Variants in DPYSL5 observed in about 807,000 individuals in gnomAD.
DPYSL5 encodes the protein dihydropyrimidinase like 5.
Under a neutral mutation model 58.4 loss-of-function variants are expected in DPYSL5, and 9 were observed. That is an observed-to-expected ratio of 0.15 (90% CI 0.09 to 0.27). The LOEUF is 0.27. Ranked by LOEUF, DPYSL5 falls within the 10% of genes least tolerant of loss-of-function variation. DPYSL5 has a pLI of 1.00. For synonymous variants in DPYSL5, 293 were observed against 301.9 expected (o/e 0.97, Z 0.31); for missense variants, 499 against 770.6 (o/e 0.65, Z 4.17).
chr2:26,869,954 T>C (rs951256634), intron 1 of DPYSL5, among the ~76,000 whole-genome samples: 2 of 152,196 alleles, frequency 1.3e-5, no homozygotes, highest in African/African-American at 2.4e-5. Context: ...GAGGTTGCAG[T>C]GAGCTGAGAT....
rs1558351599 is a variant in DPYSL5, at chr2:26,932,191, GAAAGAAAGAAAGAAAGA to G, written c.714+527_714+543del. 1.9e-3 allele frequency among the ~76,000 whole-genome samples: 152 copies of G among 80,308 alleles called. 4 individuals carry two copies. The highest frequency in any genetic ancestry group is 5.5e-3 in the African/African-American group (120 of 21,916). 52.7% of individuals were successfully genotyped at this position (80,308 alleles called of 152,430 possible). Reference sequence around the variant, plus strand: ...AGAAAGAAAGAAAGAAAGAAAGAAAGAAAGAAAGAAAGAAAGAAAAGAAAGAAAGAAAGAAAGAAAGA... The same window carrying G: ...AGAAAGAAAGAAAGAAAGAAAGAAAGAAAGAAAGAAAGAAAGAAAGAAAGA... On this transcript the variant is annotated intron_variant, in intron 6 of 12. Coordinates refer to ENST00000288699, the MANE Select transcript of DPYSL5 (RefSeq NM_020134.4).
chr2:26,861,321 G>C (rs1666007955), intron 1 of DPYSL5, among the ~76,000 whole-genome samples: 1 of 152,190 alleles, frequency 6.6e-6, no homozygotes, highest in Non-Finnish European at 1.5e-5. Flanking sequence ...GGAACTGTAG[G>C]ACACAGAAGA....
intron 1 of DPYSL5, among the ~76,000 whole-genome samples, chr2:26,883,549 C>A (rs1472634344): frequency 2.0e-5 from 3 of 152,150 alleles, no homozygotes; most frequent in Non-Finnish European, 4.4e-5. Flanking sequence ...CAGGCACGCA[C>A]CATCATGCCT....
At chr2:26,918,471 ATTT>A (rs78358823) in intron 2 of DPYSL5, among the ~76,000 whole-genome samples, 6 of 122,410 alleles carry the variant, frequency 4.9e-5, no homozygotes, top group Non-Finnish European at 7.1e-5. Context: ...CGAGCTGGTT[ATTT>A]TTTTTTTTTC....
intron 1 of DPYSL5, among the ~76,000 whole-genome samples, chr2:26,872,951 A>G (rs747158064): frequency 6.6e-6 from 1 of 152,200 alleles, no homozygotes; most frequent in Non-Finnish European, 1.5e-5. Flanking sequence ...GAACAGACTT[A>G]CTATCTCTAA....
At chr2:26,909,294 C>T (rs755275608) in intron 2 of DPYSL5, among the ~76,000 whole-genome samples, 23 of 152,162 alleles carry the variant, frequency 1.5e-4, no homozygotes, top group Non-Finnish European at 4.4e-5. Flanking sequence ...GTTTCTCACT[C>T]ATATTGCACA....
chr2:26,918,497 G>A lies in DPYSL5; in HGVS notation c.262-6390G>A, dbSNP rs544101985. Among the ~76,000 whole-genome samples the A allele has an allele frequency of 9.9e-5, 15 of 151,822 alleles. 1 individual carries two copies. Among genetic ancestry groups the A allele is most frequent in the African/African-American group, 2.4e-4 (10 of 41,378 alleles). On this transcript the variant is annotated intron_variant, in intron 2 of 12. Transcript: ENST00000288699. ...TTTTTTTTTTTTCCTCTGGTACTTC[G>A]GGAGGATGTGAATAAAAGATGGAAG... is the stretch of plus-strand genomic sequence containing the variant.
intron 1 of DPYSL5, among the ~76,000 whole-genome samples, chr2:26,862,984 A>C (rs1354604830): frequency 6.6e-6 from 1 of 152,006 alleles, no homozygotes; most frequent in African/African-American, 2.4e-5. Context: ...TCCCCTTGGA[A>C]TCCCCTTTTT....
chr2:26,878,228 CATTT>C (rs1287823387), intron 1 of DPYSL5, among the ~76,000 whole-genome samples: 2 of 152,176 alleles, frequency 1.3e-5, no homozygotes, highest in Non-Finnish European at 2.9e-5. Flanking sequence ...TTTTCATTTG[CATTT>C]ATTTAATTAT....
chr2:26,888,597 C>T (rs1346412182), intron 1 of DPYSL5, among the ~76,000 whole-genome samples: 1 of 152,100 alleles, frequency 6.6e-6, no homozygotes, highest in Non-Finnish European at 1.5e-5. Flanking sequence ...TTTCTAATGG[C>T]ATTTAACTGT....
chr2:26,932,073 GAAAGAAAGAAAA>G (rs1316257350), intron 6 of DPYSL5, among the ~76,000 whole-genome samples: 20 of 68,536 alleles, frequency 2.9e-4, no homozygotes, highest in South Asian at 1.0e-3. Flanking sequence ...AAGAAAGAAA[GAAAGAAAGAAAA>G]GAAAAAAGAA....
intron 1 of DPYSL5, among the ~76,000 whole-genome samples, chr2:26,857,925 G>A (rs2148107392): frequency 6.6e-6 from 1 of 152,348 alleles, no homozygotes. Flanking sequence ...AGAGATGGCA[G>A]TGATGGGCAT....
intron 1 of DPYSL5, among the ~76,000 whole-genome samples, chr2:26,851,646 G>A (rs1204461831): frequency 6.6e-6 from 1 of 152,068 alleles, no homozygotes; most frequent in African/African-American, 2.4e-5. Context: ...GGTCTCTGGG[G>A]TAAAAGTAAA....
intron 2 of DPYSL5, among the ~76,000 whole-genome samples, chr2:26,913,467 A>G (rs753101706): frequency 2.2e-4 from 33 of 152,138 alleles, no homozygotes; most frequent in South Asian, 2.1e-3. Flanking sequence ...GCTGAATAAT[A>G]CTCCATTGTA....
chr2:26,882,935 G>A (rs1163206830), intron 1 of DPYSL5, among the ~76,000 whole-genome samples: 8 of 145,508 alleles, frequency 5.5e-5, no homozygotes, highest in African/African-American at 1.8e-4. Flanking sequence ...AAAAAGCAAT[G>A]TAACATATAG....
At chr2:26,917,964 C>T (rs989110355) in intron 2 of DPYSL5, among the ~76,000 whole-genome samples, 2 of 151,900 alleles carry the variant, frequency 1.3e-5, no homozygotes, top group African/African-American at 2.4e-5. Context: ...GGTGAAATCC[C>T]GTCTTTACTA....
chr2:26,920,938 A>T (rs58241182), intron 2 of DPYSL5, among the ~76,000 whole-genome samples: 4,518 of 152,240 alleles, frequency 0.03, 203 homozygotes, highest in African/African-American at 0.096. Context: ...TCATTTTTTT[A>T]AATATAAAGT....
intron 1 of DPYSL5, among the ~76,000 whole-genome samples, chr2:26,854,575 T>C (rs1312510804): frequency 6.6e-6 from 1 of 152,192 alleles, no homozygotes; most frequent in Non-Finnish European, 1.5e-5. Flanking sequence ...GATTCACAGT[T>C]AACTAAATAA....
intron 1 of DPYSL5, among the ~76,000 whole-genome samples, chr2:26,866,808 T>C (rs1308963348): frequency 1.3e-5 from 2 of 151,062 alleles, no homozygotes; most frequent in Non-Finnish European, 2.9e-5. Flanking sequence ...CTCGGCTCAC[T>C]GCAACCTCCG....
Sources: allele counts gnomAD v4.1 joint callset (sites outside exome capture counted in the v4.1 genomes callset), GRCh38; gene constraint gnomAD v4.1.1; transcripts MANE v1.5; gene names NCBI Gene and HGNC (gene_info 2026-07-23, HGNC 2026-07-21).